PAK5: variants seen among roughly 807,000 people sequenced by gnomAD.
PAK5 encodes p21 (RAC1) activated kinase 5.
A neutral mutation model predicts 65.9 loss-of-function variants in PAK5; 16 were observed. The ratio of observed to expected loss-of-function variants is 0.24; its 90% CI spans 0.16 to 0.37. PAK5 has a LOEUF of 0.37. Ranked by LOEUF, PAK5 falls within the 10% of genes least tolerant of loss-of-function variation. The probability of loss-of-function intolerance (pLI) is 1.00; values close to 1 mark genes in which losing one functional copy is unlikely to be tolerated. For synonymous variants in PAK5, 371 were observed against 354.9 expected, an observed-to-expected ratio of 1.05 and a Z score of -0.51; for missense variants, 785 against 903.9, an observed-to-expected ratio of 0.87 and a Z score of 1.69.
In PAK5 at chr20:9,580,746, T is replaced by C. The variant is rs1413288112; in HGVS notation, c.389A>G (p.Gln130Arg). The change falls in exon 4 of 10, where the codon CAG becomes CGG. Residue 130 changes from glutamine (Q) to arginine (R), a missense_variant. Physicochemically the swap from Gln to Arg is conservative, Grantham distance 43. Coordinates refer to ENST00000353224, the MANE Select transcript of PAK5 (RefSeq NM_177990.4). The stretch of plus-strand genomic sequence containing the variant: ...AGTAGTATCGGATTCGCTGGAATAC[T>C]GGGAGAAGGTGATGAAGCCATTTTC... ...AEENGFITFS[Q>R]YSSESDTTAD... is the part of the protein sequence containing the mutation. 3 of 1,614,090 alleles carry C rather than the reference T, an allele frequency of 1.9e-6. No homozygotes were observed. The highest frequency in any genetic ancestry group is 2.5e-6 in the Non-Finnish European group (3 of 1,179,988).
chr20:9,722,744 A>ATT (rs557141137), intron 1 of PAK5, among the ~76,000 whole-genome samples: 3 of 145,322 alleles, frequency 2.1e-5, no homozygotes, highest in African/African-American at 5.0e-5. Context: ...CCAATGGAAG[A>ATT]TTTTTTTTTT....
chr20:9,823,061 C>T (rs1318988949), intron 1 of PAK5, among the ~76,000 whole-genome samples: 1 of 152,164 alleles, frequency 6.6e-6, no homozygotes, highest in Admixed American at 6.5e-5. Context: ...GTGATCAGGC[C>T]ATCAGAGCTC....
chr20:9,555,896 T>C (rs1169021249), intron 7 of PAK5, among the ~76,000 whole-genome samples: 2 of 152,326 alleles, frequency 1.3e-5, no homozygotes, highest in East Asian at 1.9e-4. Flanking sequence ...TACTTGGCCC[T>C]GTTACCTGCA....
In PAK5 at chr20:9,562,999, T is replaced by C; in HGVS notation, c.1508A>G (p.His503Arg). The change falls in exon 6 of 10, where the codon CAT (histidine) becomes CGT (arginine). Residue 503 changes from histidine to arginine, a missense_variant. Around this residue, in one of 4 missense-constraint regions of PAK5, gnomAD observed 182 missense variants for 273.0 expected, o/e 0.67. Transcript: ENST00000353224. ...NEVVIMRDYH[H>R]DNVVDMYSSY... Reference sequence around the variant, plus strand: ...GCTGTACATGTCAACCACATTGTCATGGTGGTAATCCCGCATGATCACGAC... The same window carrying C: ...GCTGTACATGTCAACCACATTGTCACGGTGGTAATCCCGCATGATCACGAC... 6.2e-7 allele frequency: 1 copy of C among 1,613,118 alleles called. No individual in the cohort carries two copies. Among genetic ancestry groups the C allele is most frequent in the Non-Finnish European group, 8.5e-7 (1 of 1,179,170 alleles).
At chr20:9,615,658 TAATA>T (rs2123161427) in intron 3 of PAK5, among the ~76,000 whole-genome samples, 2 of 152,332 alleles carry the variant, frequency 1.3e-5, no homozygotes, top group Admixed American at 1.3e-4. Flanking sequence ...TGCTGCTGCA[TAATA>T]AATCACCCCC....
At chr20:9,567,070 G>A (rs1046300637) in intron 4 of PAK5, among the ~76,000 whole-genome samples, 2 of 152,136 alleles carry the variant, frequency 1.3e-5, no homozygotes, top group Non-Finnish European at 2.9e-5. Context: ...TGTAGGTCCA[G>A]CAGTCACTTC....
intron 2 of PAK5, among the ~76,000 whole-genome samples, chr20:9,678,592 T>C (rs1382659410): frequency 6.6e-6 from 1 of 151,850 alleles, no homozygotes; most frequent in African/African-American, 2.4e-5. Flanking sequence ...CAAAAAGACA[T>C]ACCGAGACTG....
intron 2 of PAK5, among the ~76,000 whole-genome samples, chr20:9,702,278 A>G (rs539016119): frequency 6.6e-6 from 1 of 152,218 alleles, no homozygotes; most frequent in South Asian, 2.1e-4. Context: ...AAGACAGCCA[A>G]TGTTTCTGAC....
chr20:9,552,580 A>G (rs2045445061), intron 7 of PAK5, among the ~76,000 whole-genome samples: 1 of 152,234 alleles, frequency 6.6e-6, no homozygotes, highest in South Asian at 2.1e-4. Flanking sequence ...TACTTATGCC[A>G]TAGATAATAA....
intron 4 of PAK5, among the ~76,000 whole-genome samples, chr20:9,570,657 A>T (rs1445221736): frequency 1.3e-5 from 2 of 152,154 alleles, no homozygotes; most frequent in Non-Finnish European, 2.9e-5. Flanking sequence ...TTTGGCTTTT[A>T]TTTCTGAAAG....
chr20:9,630,911 A>ACCCATGT (rs2046912894), intron 3 of PAK5, among the ~76,000 whole-genome samples: 2 of 152,104 alleles, frequency 1.3e-5, no homozygotes, highest in African/African-American at 2.4e-5. Context: ...GTGCTGTCCC[A>ACCCATGT]CCATTACATG....
intron 2 of PAK5, among the ~76,000 whole-genome samples, chr20:9,699,786 G>A (rs2047916909): frequency 6.6e-6 from 1 of 152,056 alleles, no homozygotes; most frequent in African/African-American, 2.4e-5. Context: ...GAATCAGAGT[G>A]CCTTCCTCTC....
chr20:9,544,303 C>T, intron 8 of PAK5, 66 bp downstream of exon 8: 1 of 1,564,230 alleles, frequency 6.4e-7, no homozygotes. Flanking sequence ...CACCAACTAT[C>T]TCAGAACCAA....
intron 4 of PAK5, among the ~76,000 whole-genome samples, chr20:9,578,061 A>T (rs1473704276): frequency 1.3e-5 from 2 of 152,066 alleles, no homozygotes. Flanking sequence ...CTTCTCATGG[A>T]TTTTCTTGGC....
intron 3 of PAK5, among the ~76,000 whole-genome samples, chr20:9,599,686 G>A (rs983510060): frequency 3.9e-5 from 6 of 151,948 alleles, no homozygotes; most frequent in Non-Finnish European, 8.8e-5. Flanking sequence ...TCTTTTGCTT[G>A]TATTTGAGTT....
At chr20:9,586,714 G>A (rs6140971) in intron 3 of PAK5, among the ~76,000 whole-genome samples, 9,291 of 152,094 alleles carry the variant, frequency 0.061, 434 homozygotes, top group East Asian at 0.27. Context: ...ATTTCTATAG[G>A]AGATTAGAGG....
intron 1 of PAK5, among the ~76,000 whole-genome samples, chr20:9,734,571 CACAT>C (rs2048368790): frequency 6.8e-6 from 1 of 146,224 alleles, no homozygotes; most frequent in African/African-American, 2.6e-5. Context: ...CACACACACA[CACAT>C]ACACACAGGC....
intron 1 of PAK5, among the ~76,000 whole-genome samples, chr20:9,747,231 T>C (rs1250179353): frequency 1.3e-5 from 2 of 152,146 alleles, no homozygotes; most frequent in African/African-American, 2.4e-5. Flanking sequence ...ACCAGATGGA[T>C]TCACAGCCGA....
chr20:9,743,406 G>GAAACAAAACA lies in PAK5; in HGVS notation c.-161-31981_-161-31972dup, dbSNP rs59352524. Reference sequence around the variant, plus strand: ...GCAAACAAGCCAAAAAAAAACAAACGAAACAAAACAAAACAAAACAAACAA... The same window carrying GAAACAAAACA: ...GCAAACAAGCCAAAAAAAAACAAACGAAACAAAACAAAACAAAACAAAACAAAACAAACAA... On this transcript the variant is annotated intron_variant, in intron 1 of 9. Transcript: ENST00000353224. Among the ~76,000 whole-genome samples the GAAACAAAACA allele has an allele frequency of 1.2e-3, 180 of 150,428 alleles. 1 individual carries two copies. Among genetic ancestry groups the GAAACAAAACA allele is most frequent in the African/African-American group, 3.6e-3 (147 of 41,018 alleles).
Sources: gnomAD v4.1 joint callset for allele counts (sites outside exome capture counted in the v4.1 genomes callset) on GRCh38, gnomAD v4.1.1 for gene constraint, gnomAD v4.1.1 regional missense constraint, MANE v1.5 for transcripts, NCBI Gene and HGNC (gene_info 2026-07-23, HGNC 2026-07-21) for gene names.